NPTX1: variants seen among roughly 807,000 people sequenced by gnomAD.
NPTX1 encodes neuronal pentraxin 1.
A neutral mutation model predicts 38.7 loss-of-function variants in NPTX1; 12 were observed. The observed-to-expected ratio is 0.31, with a 90% CI of 0.20 to 0.50. The LOEUF (loss-of-function observed/expected upper bound fraction) is 0.50. Among genes scored for constraint, NPTX1 ranks in the 20% least tolerant of loss-of-function variants. The pLI, the probability that NPTX1 is intolerant of heterozygous loss-of-function variation, is 0.98. For missense variants in NPTX1, 454 were observed against 592.2 expected, an observed-to-expected ratio of 0.77 and a Z score of 2.42; for synonymous variants, 272 against 264.9, an observed-to-expected ratio of 1.03 and a Z score of -0.26.
intron 2 of NPTX1, chr17:80,473,649 T>G (rs2083855679): frequency 5.1e-6 from 3 of 590,314 alleles, no homozygotes; most frequent in Non-Finnish European, 9.1e-6. Context: ...CCCAAGCTCT[T>G]CATGCTCCAG....
rs940579942 is a variant in NPTX1, at chr17:80,476,502, G to C, written c.-56C>G. 22 of 1,038,614 alleles carry C rather than the reference G, an allele frequency of 2.1e-5. No individual in the cohort carries two copies. Among genetic ancestry groups the C allele is most frequent in the Non-Finnish European group, 2.5e-5 (21 of 848,440 alleles). The allele number at this position is 1,038,614 out of a possible 1,614,324, so 64.3% of individuals were successfully genotyped here. On this transcript the variant is annotated 5_prime_UTR_variant, in exon 1 of 5. Coordinates refer to ENST00000306773, the MANE Select transcript of NPTX1 (RefSeq NM_002522.4). The surrounding 1 kb of genome is among the most constrained non-coding windows in gnomAD (Gnocchi z 6.3). Reference sequence around the variant, plus strand: ...CTCGGCTCGGCTGGGGCTCGGCTCCGGCTGGGACCCGGCTCGGGCTGTGGC... The same window carrying C: ...CTCGGCTCGGCTGGGGCTCGGCTCCCGCTGGGACCCGGCTCGGGCTGTGGC...
Position 80,475,421 on chromosome 17 carries a change from G to A in NPTX1, c.652+90C>T. 1 of 979,162 alleles carries A rather than the reference G, an allele frequency of 1.0e-6. No individual in the cohort carries two copies. Among genetic ancestry groups the A allele is most frequent in the Non-Finnish European group, 1.5e-6 (1 of 671,522 alleles). 60.7% of individuals were successfully genotyped at this position (979,162 alleles called of 1,614,324 possible). On this transcript the variant is annotated intron_variant, in intron 2 of 4. Transcript: ENST00000306773. The surrounding 1 kb of genome is among the most constrained non-coding windows in gnomAD (Gnocchi z 6.5). ...AGCGGAGCGGCTTGAGGCTTGCACA[G>A]TGCAGAGCTGGGCTGTTAGGGATCG... is the stretch of plus-strand genomic sequence containing the variant.
chr17:80,470,613 G>C lies in NPTX1; in HGVS notation c.*200C>G, dbSNP rs895660740. 13 of 533,678 alleles carry C rather than the reference G, an allele frequency of 2.4e-5. No individual in the cohort carries two copies. Among genetic ancestry groups the C allele is most frequent in the Non-Finnish European group, 4.4e-5 (13 of 296,876 alleles). 33.1% of individuals were successfully genotyped at this position (533,678 alleles called of 1,614,324 possible). A position where few individuals can be genotyped will look rare whatever the true frequency, so the allele number is the denominator to read the frequency against. On this transcript the variant is annotated 3_prime_UTR_variant, in exon 5 of 5. Transcript: ENST00000306773. ...AGAGAGTCCGGGCTCCTACAGAGAA[G>C]TGGGGCTTCCTCAGGGACAGATGGG...
At position 80,476,518 on chromosome 17, in the gene NPTX1, G is replaced by T. The variant is rs377646054; in HGVS notation, c.-72C>A. 3.8e-4 allele frequency: 347 copies of T among 908,874 alleles called. 9 individuals are homozygous for T. The East Asian group carries it at 0.019, about 49-fold the overall frequency. 56.3% of individuals were successfully genotyped at this position (908,874 alleles called of 1,614,324 possible). On this transcript the variant is annotated 5_prime_UTR_variant, in exon 1 of 5. Transcript: ENST00000306773. The surrounding 1 kb of genome is among the most constrained non-coding windows in gnomAD (Gnocchi z 6.3). ...CTCGGCTCCGGCTGGGACCCGGCTC[G>T]GGCTGTGGCTCCGCGAGCGGCCCGC...
Position 80,475,367 on chromosome 17 carries a change from A to C in NPTX1, c.652+144T>G. 1 of 630,010 alleles carries C rather than the reference A, an allele frequency of 1.6e-6. No individual in the cohort carries two copies. The allele number at this position is 630,010 out of a possible 1,614,324, so 39.0% of individuals were successfully genotyped here. The stretch of plus-strand genomic sequence containing the variant: ...CCAGAACCTGGGAAGGGGTGCGGGG[A>C]ATGAGAAAGCGGTGCAGGGGTTGGG... On this transcript the variant is annotated intron_variant, in intron 2 of 4. Coordinates refer to ENST00000306773, the MANE Select transcript of NPTX1 (RefSeq NM_002522.4). This position sits in a 1 kb window ranked among gnomAD's most constrained non-coding sequence, Gnocchi z 6.5.
chr17:80,472,809 G>A (rs529681584), intron 3 of NPTX1, among the ~76,000 whole-genome samples: 3 of 152,154 alleles, frequency 2.0e-5, no homozygotes, highest in Non-Finnish European at 2.9e-5. Flanking sequence ...TTGGACTCAG[G>A]AAAAATCTCT....
rs559677211 is a variant in NPTX1, at chr17:80,468,974, G to C, written c.*1839C>G. The C allele has an allele frequency of 4.6e-5, 7 of 152,368 alleles. No individual in the cohort carries two copies. The highest frequency in any genetic ancestry group is 1.7e-4 in the African/African-American group (7 of 41,570). The allele number at this position is 152,368 out of a possible 1,614,324, so 9.4% of individuals were successfully genotyped here. A position where few individuals can be genotyped will look rare whatever the true frequency, so the allele number is the denominator to read the frequency against. On this transcript the variant is annotated 3_prime_UTR_variant, in exon 5 of 5. Coordinates refer to ENST00000306773, the MANE Select transcript of NPTX1 (RefSeq NM_002522.4). ...ACTGTTGAACAACAACGCGCAGCAC[G>C]GCGCCTGATCTGCACCCCCCTCTGC... is the stretch of plus-strand genomic sequence containing the variant.
chr17:80,471,596 T>G (rs1430203955), intron 4 of NPTX1, 136 bp downstream of exon 4: 2 of 1,400,716 alleles, frequency 1.4e-6, no homozygotes, highest in Non-Finnish European at 1.9e-6. Context: ...GCACAGGCCT[T>G]GCCCAGCCTG....
In NPTX1 at chr17:80,472,565, G is replaced by A. The variant is rs568548973; in HGVS notation, c.897+635C>T. Among the ~76,000 whole-genome samples, 11 of 152,344 alleles carry A rather than the reference G, an allele frequency of 7.2e-5. 1 individual carries two copies. In the South Asian group the frequency reaches 1.9e-3, roughly 26 times the overall value. On this transcript the variant is annotated intron_variant, in intron 3 of 4. Coordinates refer to ENST00000306773, the MANE Select transcript of NPTX1 (RefSeq NM_002522.4). ...CCCAGAATGGCACAGCCCTTTGTGG[G>A]GAAGAGCAACAGGAACAAGGGCGTG...
Position 80,469,714 on chromosome 17 carries a change from A to G in NPTX1, c.*1099T>C, listed in dbSNP as rs1250023811. 6.6e-6 allele frequency: 1 copy of G among 152,250 alleles called. No homozygotes were observed. The highest frequency in any genetic ancestry group is 2.4e-5 in the African/African-American group (1 of 41,458). 9.4% of individuals were successfully genotyped at this position (152,250 alleles called of 1,614,324 possible). A position where few individuals can be genotyped will look rare whatever the true frequency, so the allele number is the denominator to read the frequency against. Reference sequence around the variant, plus strand: ...GGGATATGGCTGTCAAAGTCCCCCAAAAAGGACCTTCCCACCGATGGGCTG... The same window carrying G: ...GGGATATGGCTGTCAAAGTCCCCCAGAAAGGACCTTCCCACCGATGGGCTG... On this transcript the variant is annotated 3_prime_UTR_variant, in exon 5 of 5. Transcript: ENST00000306773.
chr17:80,476,593 C>CT lies in NPTX1; in HGVS notation c.-148_-147insA. 4.2e-6 allele frequency: 1 copy of CT among 239,946 alleles called. No homozygotes were observed. Among genetic ancestry groups the CT allele is most frequent in the Admixed American group, 6.4e-5 (1 of 15,632 alleles). 14.9% of individuals were successfully genotyped at this position (239,946 alleles called of 1,614,324 possible). A position where few individuals can be genotyped will look rare whatever the true frequency, so the allele number is the denominator to read the frequency against. ...CGCGCGGTCCACACCGCCGCGCTATCAGGCCCCCACTGCCGCCTGCGCTGC... is the reference window on the plus strand; with the variant it reads ...CGCGCGGTCCACACCGCCGCGCTATCTAGGCCCCCACTGCCGCCTGCGCTGC... On this transcript the variant is annotated 5_prime_UTR_variant, in exon 1 of 5. Transcript: ENST00000306773. The surrounding 1 kb of genome is among the most constrained non-coding windows in gnomAD (Gnocchi z 6.3).
chr17:80,470,253 A>G lies in NPTX1; in HGVS notation c.*560T>C, dbSNP rs1406592788. 2.6e-5 allele frequency: 4 copies of G among 152,208 alleles called. No homozygotes were observed. The highest frequency in any genetic ancestry group is 5.9e-5 in the Non-Finnish European group (4 of 68,064). The allele number at this position is 152,208 out of a possible 1,614,324, so 9.4% of individuals were successfully genotyped here. Reference sequence around the variant, plus strand: ...AGAGCCCCCGCCCCCGGCCTTTGACAAACCACTAAAAGACATTTATTACAT... The same window carrying G: ...AGAGCCCCCGCCCCCGGCCTTTGACGAACCACTAAAAGACATTTATTACAT... On this transcript the variant is annotated 3_prime_UTR_variant, in exon 5 of 5. Transcript: ENST00000306773.
chr17:80,475,905 G>A lies in NPTX1; in HGVS notation c.444+98C>T. ...GGCCGGGCACCCGCGCGGCTGAGGCGAGGGCGGGGGATGCCTGGCCGGGTA... is the reference window on the plus strand; with the variant it reads ...GGCCGGGCACCCGCGCGGCTGAGGCAAGGGCGGGGGATGCCTGGCCGGGTA... On this transcript the variant is annotated intron_variant, in intron 1 of 4. Transcript: ENST00000306773. The surrounding 1 kb of genome is among the most constrained non-coding windows in gnomAD (Gnocchi z 6.5). 9.3e-7 allele frequency: 1 copy of A among 1,079,132 alleles called. No individual in the cohort carries two copies. The highest frequency in any genetic ancestry group is 1.3e-6 in the Non-Finnish European group (1 of 778,870). 66.8% of individuals were successfully genotyped at this position (1,079,132 alleles called of 1,614,324 possible). A position where few individuals can be genotyped will look rare whatever the true frequency, so the allele number is the denominator to read the frequency against.
chr17:80,470,800 T>G lies in NPTX1; in HGVS notation c.*13A>C. The G allele has an allele frequency of 6.4e-7, 1 of 1,557,604 alleles. No individual in the cohort carries two copies. The highest frequency in any genetic ancestry group is 2.3e-5 in the East Asian group (1 of 44,002). ...GGGGCGAGGGCGGGCGGGCTCAGCCTGGCCTGCCGTGCTCAGTTGATCTGG... is the reference window on the plus strand; with the variant it reads ...GGGGCGAGGGCGGGCGGGCTCAGCCGGGCCTGCCGTGCTCAGTTGATCTGG... On this transcript the variant is annotated 3_prime_UTR_variant, in exon 5 of 5. Coordinates refer to ENST00000306773, the MANE Select transcript of NPTX1 (RefSeq NM_002522.4).
chr17:80,475,777 G>A lies in NPTX1; in HGVS notation c.445-59C>T. The A allele has an allele frequency of 7.3e-7, 1 of 1,370,494 alleles. No individual in the cohort carries two copies. The allele number at this position is 1,370,494 out of a possible 1,614,324, so 84.9% of individuals were successfully genotyped here. ...TTAGGCGAGGCGCGGGGACCGTGCT[G>A]GAAGGCCCGCGGCGCGGTCCCCTCT... On this transcript the variant is annotated intron_variant, in intron 1 of 4. Transcript: ENST00000306773. The surrounding 1 kb of genome is among the most constrained non-coding windows in gnomAD (Gnocchi z 6.5).
rs2083824732 is a variant in NPTX1 at position 80,469,250 on chromosome 17, T to C, written c.*1563A>G. 1 of 152,416 alleles carries C rather than the reference T, an allele frequency of 6.6e-6. No individual in the cohort carries two copies. Among genetic ancestry groups the C allele is most frequent in the Non-Finnish European group, 1.5e-5 (1 of 68,040 alleles). The allele number at this position is 152,416 out of a possible 1,614,324, so 9.4% of individuals were successfully genotyped here. On this transcript the variant is annotated 3_prime_UTR_variant, in exon 5 of 5. Coordinates refer to ENST00000306773, the MANE Select transcript of NPTX1 (RefSeq NM_002522.4). ...CTAGAAAGACTTGTCAGCGGTTTGC[T>C]GATGAGACTCCTGGAGACAGAGTCG... is the stretch of plus-strand genomic sequence containing the variant.
rs1280075180 is a variant in NPTX1 at position 80,476,204 on chromosome 17, C to A, written c.243G>T (p.Glu81Asp). 1 of 1,576,176 alleles carries A rather than the reference C, an allele frequency of 6.3e-7. No homozygotes were observed. The highest frequency in any genetic ancestry group is 8.6e-7 in the Non-Finnish European group (1 of 1,167,390). The change falls in exon 1 of 5, where the codon GAG becomes GAT. Residue 81 changes from glutamate (E) to aspartate (D), a missense_variant. Glu to Asp is a conservative substitution (Grantham distance 45, BLOSUM62 2). Coordinates refer to ENST00000306773, the MANE Select transcript of NPTX1 (RefSeq NM_002522.4). The surrounding 1 kb of genome is among the most constrained non-coding windows in gnomAD (Gnocchi z 6.3). ...CGCAGCGGCCCAGCTTGGCGGTCAG[C>A]TCGCGGATGGTCTCCTTCTGGCTCA... is the stretch of plus-strand genomic sequence containing the variant. The part of the protein sequence containing the change: ...TILSQKETIR[E>D]LTAKLGRCES...
Position 80,470,775 on chromosome 17 carries a change from G to A in NPTX1, c.*38C>T. 3 of 1,377,488 alleles carry A rather than the reference G, an allele frequency of 2.2e-6. No individual in the cohort carries two copies. The highest frequency in any genetic ancestry group is 2.0e-6 in the Non-Finnish European group (2 of 989,842). The allele number at this position is 1,377,488 out of a possible 1,614,324, so 85.3% of individuals were successfully genotyped here. A position where few individuals can be genotyped will look rare whatever the true frequency, so the allele number is the denominator to read the frequency against. On this transcript the variant is annotated 3_prime_UTR_variant, in exon 5 of 5. Coordinates refer to ENST00000306773, the MANE Select transcript of NPTX1 (RefSeq NM_002522.4). ...AAACAGATCATCGCCGCACAAGCAG[G>A]GGGCGAGGGCGGGCGGGCTCAGCCT... is the stretch of plus-strand genomic sequence containing the variant.
chr17:80,473,589 C>T, intron 2 of NPTX1, 145 bp from the exon 3 acceptor site: 3 of 783,644 alleles, frequency 3.8e-6, no homozygotes, highest in Middle Eastern at 7.6e-4. Context: ...GGTAGCTTCC[C>T]AGGTCAAGTA....
Sources: gnomAD v4.1 joint callset for allele counts (sites outside exome capture counted in the v4.1 genomes callset) on GRCh38, gnomAD v4.1.1 for gene constraint, Gnocchi (gnomAD v3.1) non-coding constraint, MANE v1.5 for transcripts, NCBI Gene and HGNC (gene_info 2026-07-23, HGNC 2026-07-21) for gene names.